The following ANXA4 variants were observed in gnomAD, a reference collection of about 807,000 sequenced individuals.
ANXA4 encodes 35-beta calcimedin.
ANXA4 carries 39 observed loss-of-function variants against 49.8 expected under a neutral mutation model. The ratio of observed to expected loss-of-function variants is 0.78; its 90% CI spans 0.61 to 1.02. ANXA4 has a LOEUF of 1.02. ANXA4 is among the 50% of genes least tolerant of loss of function. ANXA4 has a pLI of 0.00. For missense variants in ANXA4, 360 were observed against 410.1 expected (o/e 0.88, Z 1.05); for synonymous variants, 134 against 152.5 (o/e 0.88, Z 0.89).
At chr2:69,793,393 A>G (rs764570637) in intron 3 of ANXA4, among the ~76,000 whole-genome samples, 1 of 152,224 alleles carries the variant, frequency 6.6e-6, no homozygotes, top group African/African-American at 2.4e-5. Context: ...TAAAGATTAA[A>G]GTCACATGAA....
At chr2:69,785,015 G>A (rs1672355709) in intron 2 of ANXA4, among the ~76,000 whole-genome samples, 1 of 152,188 alleles carries the variant, frequency 6.6e-6, no homozygotes, top group African/African-American at 2.4e-5. Flanking sequence ...AGGTGCTGGA[G>A]GTTAGGACTT....
intron 4 of ANXA4, among the ~76,000 whole-genome samples, chr2:69,806,086 G>A (rs1422206756): frequency 6.6e-6 from 1 of 152,104 alleles, no homozygotes; most frequent in African/African-American, 2.4e-5. Context: ...GTTTTGGTTG[G>A]GGTATATGAA....
chr2:69,764,815 A>G (rs1671434946), intron 1 of ANXA4, among the ~76,000 whole-genome samples: 1 of 152,142 alleles, frequency 6.6e-6, no homozygotes, highest in Non-Finnish European at 1.5e-5. Context: ...TCATCTTGTA[A>G]AACTGAAACT....
At chr2:69,660,132 G>A (rs768811309) in intron 2 of ANXA4, among the ~76,000 whole-genome samples, 11 of 152,272 alleles carry the variant, frequency 7.2e-5, no homozygotes, top group Non-Finnish European at 1.2e-4. Context: ...TTTCTTGTCT[G>A]TCTTTATATA....
In ANXA4 at chr2:69,786,123, G is replaced by A. The variant is rs148437067; in HGVS notation, c.10-1931G>A. Among the ~76,000 whole-genome samples the A allele has an allele frequency of 4.3e-4, 66 of 152,194 alleles. 2 individuals are homozygous for A. The highest frequency in any genetic ancestry group is 7.9e-4 in the Non-Finnish European group (54 of 68,020). ...AAACTTAACATTTCCAACATAGAAC[G>A]TCTAAATCCCACTCCACACTGCCAC... On this transcript the variant is annotated intron_variant, in intron 2 of 12. Coordinates refer to ENST00000394295, the MANE Select transcript of ANXA4 (RefSeq NM_001153.5).
chr2:69,772,061 G>T (rs1470492353), intron 1 of ANXA4, among the ~76,000 whole-genome samples: 2 of 152,102 alleles, frequency 1.3e-5, no homozygotes, highest in Non-Finnish European at 2.9e-5. Flanking sequence ...ATAACCCTAG[G>T]TTTTTAAGAC....
rs73935626 is a variant in ANXA4 at position 69,693,846 on chromosome 2, T to G, written n.767-26928T>G. ...TTGTTTAGAGTTAAGAATTTCATGA[T>G]TGTGACAGCTGAGCATTAAACCAAG... On this transcript the variant is annotated intron_variant and non_coding_transcript_variant, in intron 2 of 3. Coordinates refer to the ANXA4 transcript ENST00000418066. Among the ~76,000 whole-genome samples the G allele has an allele frequency of 5.3e-3, 800 of 152,114 alleles. 8 individuals carry two copies. Among genetic ancestry groups the G allele is most frequent in the Middle Eastern group, 0.024 (7 of 294 alleles).
At chr2:69,725,128 C>G (rs904452589) in intron 3 of ANXA4, among the ~76,000 whole-genome samples, 2 of 152,120 alleles carry the variant, frequency 1.3e-5, no homozygotes, top group African/African-American at 4.8e-5. Flanking sequence ...TTCCTGACAT[C>G]CACCTGAGAA....
At chr2:69,762,380 C>T (rs891747660) in intron 1 of ANXA4, among the ~76,000 whole-genome samples, 7 of 148,394 alleles carry the variant, frequency 4.7e-5, no homozygotes, top group Admixed American at 2.0e-4. Flanking sequence ...AGTGAGACCC[C>T]GTCTAGGGGA....
intron 12 of ANXA4, among the ~76,000 whole-genome samples, chr2:69,824,869 C>A (rs1278092810): frequency 6.6e-6 from 1 of 151,988 alleles, no homozygotes; most frequent in Non-Finnish European, 1.5e-5. Flanking sequence ...CAAGACCATC[C>A]TGGCTAACAT....
At chr2:69,761,585 T>C (rs4853002) in intron 1 of ANXA4, among the ~76,000 whole-genome samples, 90,159 of 151,856 alleles carry the variant, frequency 0.59, 28,221 homozygotes, top group East Asian at 0.79. Context: ...ATGCTTCTGC[T>C]ACTCCACTCA....
At chr2:69,796,488 G>C (rs2103763004) in intron 3 of ANXA4, among the ~76,000 whole-genome samples, 1 of 152,330 alleles carries the variant, frequency 6.6e-6, no homozygotes, top group East Asian at 1.9e-4. Flanking sequence ...GTGAGGGTTT[G>C]ACTTAGAAGC....
At chr2:69,825,078 A>C (rs1460007379) in intron 12 of ANXA4, among the ~76,000 whole-genome samples, 4 of 150,180 alleles carry the variant, frequency 2.7e-5, no homozygotes, top group African/African-American at 9.7e-5. Flanking sequence ...AAAAAAAAAA[A>C]AAAAAAAAAA....
chr2:69,782,019 C>T (rs1672220650), intron 2 of ANXA4, among the ~76,000 whole-genome samples: 1 of 152,132 alleles, frequency 6.6e-6, no homozygotes, highest in African/African-American at 2.4e-5. Flanking sequence ...CTGCTTTAGA[C>T]AGTAATCAGA....
At position 69,793,274 on chromosome 2, in the gene ANXA4, C is replaced by T. The variant is rs927737792; in HGVS notation, c.97+5133C>T. ...TCAAAAAAAAAAAAGCAGTTTACAACCTTAAAACATTTAGCAAACTAGTAT... is the reference window on the plus strand; with the variant it reads ...TCAAAAAAAAAAAAGCAGTTTACAATCTTAAAACATTTAGCAAACTAGTAT... On this transcript the variant is annotated intron_variant, in intron 3 of 12. Coordinates refer to ENST00000394295, the MANE Select transcript of ANXA4 (RefSeq NM_001153.5). Among the ~76,000 whole-genome samples the T allele has an allele frequency of 2.8e-5, 4 of 144,464 alleles. No homozygotes were observed. In the Admixed American group the frequency reaches 2.9e-4, roughly 10 times the overall value. 94.8% of individuals were successfully genotyped at this position (144,464 alleles called of 152,430 possible). A position where few individuals can be genotyped will look rare whatever the true frequency, so the allele number is the denominator to read the frequency against.
chr2:69,749,121 C>T (rs910399198), intron 1 of ANXA4, among the ~76,000 whole-genome samples: 9 of 152,064 alleles, frequency 5.9e-5, no homozygotes, highest in African/African-American at 1.2e-4. Flanking sequence ...TACAATGGCC[C>T]GGGACAGAGC....
At chr2:69,767,977 TA>T (rs1320161272) in intron 1 of ANXA4, among the ~76,000 whole-genome samples, 1 of 151,970 alleles carries the variant, frequency 6.6e-6, no homozygotes, top group Non-Finnish European at 1.5e-5. Context: ...TATACATATG[TA>T]CACATATATA....
At chr2:69,734,489 C>T (rs1573164982) in intron 3 of ANXA4, among the ~76,000 whole-genome samples, 1 of 152,132 alleles carries the variant, frequency 6.6e-6, no homozygotes, top group Non-Finnish European at 1.5e-5. Context: ...GCTGTCTTGA[C>T]GATTTATAGC....
At chr2:69,659,818 T>C (rs1382774825) in intron 2 of ANXA4, among the ~76,000 whole-genome samples, 1 of 152,138 alleles carries the variant, frequency 6.6e-6, no homozygotes, top group East Asian at 1.9e-4. Flanking sequence ...AAGCAGGTCT[T>C]GAAATCAGAG....
Sources: gnomAD v4.1 joint callset for allele counts (sites outside exome capture counted in the v4.1 genomes callset) on GRCh38, gnomAD v4.1.1 for gene constraint, MANE v1.5 for transcripts, NCBI Gene and HGNC (gene_info 2026-07-23, HGNC 2026-07-21) for gene names.